CCDC102B: variants seen among roughly 807,000 people sequenced by gnomAD.
CCDC102B encodes coiled-coil domain-containing protein 102B.
In CCDC102B, 75 loss-of-function variants were observed where a neutral mutation model predicts 57.4. The observed-to-expected ratio is 1.31, with a 90% confidence interval of 1.08 to 1.58. The LOEUF (loss-of-function observed/expected upper bound fraction) is 1.58, where lower values mean the gene tolerates loss of function less well. Among genes scored for constraint, CCDC102B ranks in the 40% most tolerant of loss-of-function variants. The pLI is 0.00. For missense variants in CCDC102B, 636 were observed against 582.6 expected (o/e 1.09, Z -0.94); for synonymous variants, 206 against 201.9 (o/e 1.02, Z -0.17).
At chr18:69,013,213 T>C (rs1488894564) in intron 7 of CCDC102B, among the ~76,000 whole-genome samples, 2 of 151,948 alleles carry the variant, frequency 1.3e-5, no homozygotes, top group East Asian at 3.9e-4. Context: ...AATGAAATCA[T>C]GCCTTTTGCA....
Position 68,963,013 on chromosome 18 carries a change from C to T in CCDC102B, c.1264-47921C>T, listed in dbSNP as rs552190643. ...TGTGTCCATATATTTATTTATTACACGGCATCTTTTTATAGTGCATTTCAG... is the reference window on the plus strand; with the variant it reads ...TGTGTCCATATATTTATTTATTACATGGCATCTTTTTATAGTGCATTTCAG... On this transcript the variant is annotated intron_variant, in intron 6 of 7. Coordinates refer to ENST00000360242, the MANE Select transcript of CCDC102B (RefSeq NM_024781.3). Among the ~76,000 whole-genome samples, 8 of 151,954 alleles carry T rather than the reference C, an allele frequency of 5.3e-5. No homozygotes were observed. The East Asian group carries it at 7.7e-4, about 15-fold the overall frequency.
At chr18:68,929,931 G>A (rs1299768153) in intron 6 of CCDC102B, among the ~76,000 whole-genome samples, 1 of 151,742 alleles carries the variant, frequency 6.6e-6, no homozygotes, top group East Asian at 1.9e-4. Flanking sequence ...ATATATTAAT[G>A]TAAGGAGAAA....
chr18:68,951,769 C>G (rs1408358854), intron 6 of CCDC102B, among the ~76,000 whole-genome samples: 2 of 151,448 alleles, frequency 1.3e-5, no homozygotes, highest in Admixed American at 6.6e-5. Context: ...GATTATGCCA[C>G]TACACTCCAG....
chr18:69,023,134 C>G (rs2051892779), intron 7 of CCDC102B, among the ~76,000 whole-genome samples: 1 of 152,032 alleles, frequency 6.6e-6, no homozygotes, highest in African/African-American at 2.4e-5. Flanking sequence ...ATATACTGGG[C>G]AAGATACAGA....
At chr18:69,014,972 A>AGTGT (rs1474511159) in intron 7 of CCDC102B, among the ~76,000 whole-genome samples, 39 of 114,580 alleles carry the variant, frequency 3.4e-4, no homozygotes, top group African/African-American at 1.1e-3. Flanking sequence ...AGAGAGAGAG[A>AGTGT]GAGAGAGTGT....
At chr18:68,992,230 C>CTATGTA in intron 6 of CCDC102B, among the ~76,000 whole-genome samples, 1 of 152,070 alleles carries the variant, frequency 6.6e-6, no homozygotes, top group Non-Finnish European at 1.5e-5. Context: ...TAGAATAGGG[C>CTATGTA]CCTGAGTACT....
chr18:69,042,236 C>A lies in CCDC102B; in HGVS notation c.1435-11794C>A, dbSNP rs150293536. Among the ~76,000 whole-genome samples, 551 of 152,110 alleles carry A rather than the reference C, an allele frequency of 3.6e-3. 6 individuals carry two copies. The highest frequency in any genetic ancestry group is 0.013 in the African/African-American group (522 of 41,524). On this transcript the variant is annotated intron_variant, in intron 7 of 7. Transcript: ENST00000360242. ...ATTATTGAATTACATATTAAACACTCAGATTTACAATATAGGAATGAAATT... is the reference window on the plus strand; with the variant it reads ...ATTATTGAATTACATATTAAACACTAAGATTTACAATATAGGAATGAAATT...
At chr18:69,055,566 A>G (rs2052802281), downstream of CCDC102B, among the ~76,000 whole-genome samples, 1 of 151,802 alleles carries the variant, frequency 6.6e-6, no homozygotes, top group Admixed American at 6.6e-5. Context: ...GTCTCATCTC[A>G]GTCACAATCC....
At chr18:68,992,466 A>G (rs1329922501) in intron 6 of CCDC102B, among the ~76,000 whole-genome samples, 1 of 152,132 alleles carries the variant, frequency 6.6e-6, no homozygotes, top group East Asian at 1.9e-4. Flanking sequence ...CTTTGCTACA[A>G]TGATCGAATC....
chr18:68,828,347 A>AAAAAAAT (rs2036999824), intron 1 of CCDC102B, among the ~76,000 whole-genome samples: 1 of 134,044 alleles, frequency 7.5e-6, no homozygotes, highest in Non-Finnish European at 1.6e-5. Flanking sequence ...AAAAAAAAAA[A>AAAAAAAT]CCTTCAACTA....
chr18:69,026,825 G>C (rs1361191659), intron 7 of CCDC102B, among the ~76,000 whole-genome samples: 1 of 152,042 alleles, frequency 6.6e-6, no homozygotes, highest in African/African-American at 2.4e-5. Context: ...TATATCTATA[G>C]TCCCAATTTT....
intron 6 of CCDC102B, among the ~76,000 whole-genome samples, chr18:69,005,169 G>A (rs949787153): frequency 6.6e-6 from 1 of 152,130 alleles, no homozygotes; most frequent in Non-Finnish European, 1.5e-5. Flanking sequence ...GCATTTGATT[G>A]TGATAACAAT....
intron 3 of CCDC102B, among the ~76,000 whole-genome samples, chr18:68,844,528 G>T (rs1239102796): frequency 1.3e-5 from 2 of 151,662 alleles, no homozygotes; most frequent in African/African-American, 4.8e-5. Context: ...TTCCAATGAA[G>T]TTACAAACTT....
rs982172947 is a variant in CCDC102B, at chr18:69,054,260, T to C, written c.*123T>C. 1 of 1,346,272 alleles carries C rather than the reference T, an allele frequency of 7.4e-7. No individual in the cohort carries two copies. Among genetic ancestry groups the C allele is most frequent in the African/African-American group, 1.5e-5 (1 of 65,910 alleles). The allele number at this position is 1,346,272 out of a possible 1,614,324, so 83.4% of individuals were successfully genotyped here. A position where few individuals can be genotyped will look rare whatever the true frequency, so the allele number is the denominator to read the frequency against. On this transcript the variant is annotated 3_prime_UTR_variant, in exon 8 of 8. Transcript: ENST00000360242. ...ATATTAATGAAAAAAACGTAGACAA[T>C]ACACAAATTAATGGGCTTCTTCACT... is the stretch of plus-strand genomic sequence containing the variant.
chr18:68,920,040 G>T (rs750084839), intron 6 of CCDC102B, among the ~76,000 whole-genome samples: 8 of 152,050 alleles, frequency 5.3e-5, no homozygotes, highest in Non-Finnish European at 1.2e-4. Flanking sequence ...ATGGGGATTT[G>T]TTGTCCAGGA....
At chr18:68,825,813 T>A (rs935139726) in intron 1 of CCDC102B, among the ~76,000 whole-genome samples, 14 of 152,230 alleles carry the variant, frequency 9.2e-5, no homozygotes, top group African/African-American at 2.9e-4. Context: ...TTAAATGCAG[T>A]AATTCTGCTT....
intron 6 of CCDC102B, among the ~76,000 whole-genome samples, chr18:68,919,748 T>C (rs2041207584): frequency 6.6e-6 from 1 of 152,186 alleles, no homozygotes; most frequent in Non-Finnish European, 1.5e-5. Flanking sequence ...CAATGTACTT[T>C]ATTTACTAAA....
chr18:68,801,616 A>C (rs1427372660), intron 1 of CCDC102B, among the ~76,000 whole-genome samples: 1 of 152,142 alleles, frequency 6.6e-6, no homozygotes, highest in South Asian at 2.1e-4. Flanking sequence ...ATCTTATCAT[A>C]GTGTCTGTTT....
chr18:68,958,336 T>C (rs1293336213), intron 6 of CCDC102B, among the ~76,000 whole-genome samples: 1 of 152,198 alleles, frequency 6.6e-6, no homozygotes, highest in East Asian at 1.9e-4. Context: ...AATTATCATA[T>C]AATTTGTCTT....
Sources: gnomAD v4.1 joint callset for allele counts (sites outside exome capture counted in the v4.1 genomes callset) on GRCh38, gnomAD v4.1.1 for gene constraint, MANE v1.5 for transcripts, NCBI Gene and HGNC (gene_info 2026-07-23, HGNC 2026-07-21) for gene names.